The following SUPT6H variants were observed in gnomAD, a reference collection of about 807,000 sequenced individuals.
SUPT6H encodes SPT6 homolog, histone chaperone and transcription elongation factor.
SUPT6H carries 11 observed loss-of-function variants against 222.3 expected under a neutral mutation model. That is an observed-to-expected ratio of 0.05 (90% CI 0.03 to 0.08). The LOEUF (loss-of-function observed/expected upper bound fraction) is 0.08. Among genes scored for constraint, SUPT6H ranks in the 10% least tolerant of loss-of-function variants. SUPT6H has a pLI of 1.00. For missense variants in SUPT6H, 1,422 were observed against 2,216.0 expected, an observed-to-expected ratio of 0.64 and a Z score of 7.19; for synonymous variants, 762 against 801.2, an observed-to-expected ratio of 0.95 and a Z score of 0.83.
intron 1 of SUPT6H, among the ~76,000 whole-genome samples, chr17:28,667,403 GTGTATATATATATATATATATATATA>G (rs1171437643): frequency 2.4e-5 from 1 of 42,352 alleles, no homozygotes; most frequent in African/African-American, 6.7e-5. Context: ...AAGTGTGTGT[GTGTATATATATATATATATATATATA>G]TATATATGTA....
At chr17:28,681,745 C>T (rs1164127037) in intron 12 of SUPT6H, 137 bp from the exon 13 acceptor site, 13 of 728,840 alleles carry the variant, frequency 1.8e-5, no homozygotes, top group South Asian at 6.4e-5. Flanking sequence ...GAAAGAAAAC[C>T]CAGGAGACTT....
At chr17:28,665,673 G>T (rs1331475420) in intron 1 of SUPT6H, among the ~76,000 whole-genome samples, 1 of 152,182 alleles carries the variant, frequency 6.6e-6, no homozygotes, top group African/African-American at 2.4e-5. Context: ...TGAGGCAGGA[G>T]AATTGCTTGA....
At position 28,681,390 on chromosome 17, in the gene SUPT6H, A is replaced by C; in HGVS notation, c.1484A>C (p.Glu495Ala). 1 of 1,603,060 alleles carries C rather than the reference A, an allele frequency of 6.2e-7. No homozygotes were observed. Among genetic ancestry groups the C allele is most frequent in the Non-Finnish European group, 8.5e-7 (1 of 1,175,682 alleles). ...SRKKLKRVRE[E>A]GDEEGEGDEA... is the part of the protein sequence containing the mutation. ...AAGAAGCTGAAGCGTGTCAGGGAAG[A>C]GGGAGATGAAGAAGGTTAGTGCTGG... is the stretch of plus-strand genomic sequence containing the variant. The change falls in exon 12 of 37, where the codon GAG (glutamate) becomes GCG (alanine). Residue 495 changes from glutamate (E) to alanine (A), a missense_variant. Physicochemically the swap from Glu to Ala is moderately radical, Grantham distance 107. Coordinates refer to ENST00000314616, the MANE Select transcript of SUPT6H (RefSeq NM_003170.5).
At chr17:28,663,559 AAATG>A (rs2072105773) in intron 1 of SUPT6H, among the ~76,000 whole-genome samples, 1 of 152,104 alleles carries the variant, frequency 6.6e-6, no homozygotes. Context: ...TGACCTTAAT[AAATG>A]GCACTACCAT....
At chr17:28,669,682 C>G (rs1364299838) in intron 1 of SUPT6H, among the ~76,000 whole-genome samples, 1 of 152,184 alleles carries the variant, frequency 6.6e-6, no homozygotes, top group Non-Finnish European at 1.5e-5. Context: ...CGCCTGTAGT[C>G]CCAGCACTTT....
In SUPT6H at chr17:28,687,142, C is replaced by G; in HGVS notation, c.2755C>G (p.Arg919Gly). Residue 919 changes from arginine to glycine, a missense_variant, in exon 22 of 37, where the codon CGC becomes GGC. This residue lies in a region of SUPT6H where 294 missense variants were observed against 382.1 expected (regional missense o/e 0.77). Coordinates refer to ENST00000314616, the MANE Select transcript of SUPT6H (RefSeq NM_003170.5). Reference protein sequence around the residue: ...VLRQAVSLARRIQDPLIEFAQ... With the variant: ...VLRQAVSLARGIQDPLIEFAQ... ...GAGACAGGCCGTCTCCCTGGCCCGG[C>G]GCATCCAGGACCCTCTGATTGAATT... is the stretch of plus-strand genomic sequence containing the variant. The G allele has an allele frequency of 3.1e-6, 5 of 1,614,036 alleles. No homozygotes were observed. The highest frequency in any genetic ancestry group is 1.7e-5 in the Admixed American group (1 of 60,016).
In SUPT6H at chr17:28,693,759, G is replaced by A; in HGVS notation, c.3697G>A (p.Asp1233Asn). 1 of 1,614,220 alleles carries A rather than the reference G, an allele frequency of 6.2e-7. No homozygotes were observed. The highest frequency in any genetic ancestry group is 8.5e-7 in the Non-Finnish European group (1 of 1,180,034). ...GGCCATCGGTGTCAAAACACGGCTA[G>A]ACAATGGTGTCACCGGCTTCATCCC... ...GQAIGVKTRL[D>N]NGVTGFIPTK... The change falls in exon 28 of 37, where the codon GAC becomes AAC. Residue 1233 changes from aspartate (D) to asparagine (N), a missense_variant. Asp to Asn is a conservative substitution (Grantham distance 23). Coordinates refer to ENST00000314616, the MANE Select transcript of SUPT6H (RefSeq NM_003170.5).
intron 5 of SUPT6H, 70 bp from the exon 6 acceptor site, chr17:28,675,331 A>G: frequency 1.3e-6 from 2 of 1,573,676 alleles, no homozygotes; most frequent in Non-Finnish European, 1.7e-6. Flanking sequence ...CTCACATAGT[A>G]GGAACCAAAG....
At chr17:28,676,085 G>A (rs2030729838) in intron 6 of SUPT6H, 72 bp from the exon 7 acceptor site, 1 of 1,493,260 alleles carries the variant, frequency 6.7e-7, no homozygotes, top group Non-Finnish European at 9.0e-7. Context: ...ACAAGTAAAG[G>A]ATCTATGCAA....
rs1057064552 is a variant in SUPT6H, at chr17:28,675,086, A to G, written c.462A>G (p.Glu154=). 3.7e-6 allele frequency: 6 copies of G among 1,614,014 alleles called. No homozygotes were observed. Among genetic ancestry groups the G allele is most frequent in the Non-Finnish European group, 2.5e-6 (3 of 1,180,018 alleles). ...CGGAAGAAATCTTCCAGGATGGGGAAGGGGAAGAAGGGCAGGAGGCCATGG... is the reference window on the plus strand; with the variant it reads ...CGGAAGAAATCTTCCAGGATGGGGAGGGGGAAGAAGGGCAGGAGGCCATGG... ...AIAEEIFQDG[E]GEEGQEAMEA... The change falls in exon 5 of 37, where the codon GAA becomes GAG. Residue 154 remains glutamate, a synonymous_variant. Coordinates refer to ENST00000314616, the MANE Select transcript of SUPT6H (RefSeq NM_003170.5).
rs1343156519 is a variant in SUPT6H at position 28,696,880 on chromosome 17, A to G, written c.4007A>G (p.His1336Arg). ...AGAGTGATCGCACACCCATCCTTCC[A>G]TAATATCAATTTCAAGCAAGCAGAA... The part of the protein sequence containing the change: ...IKRVIAHPSF[H>R]NINFKQAEKM... Residue 1336 changes from histidine (H) to arginine (R), a missense_variant, in exon 30 of 37, where the codon CAT (histidine) becomes CGT (arginine). His to Arg is a conservative substitution (Grantham distance 29). Coordinates refer to ENST00000314616, the MANE Select transcript of SUPT6H (RefSeq NM_003170.5). The G allele has an allele frequency of 2.5e-6, 4 of 1,613,978 alleles. No homozygotes were observed. Among genetic ancestry groups the G allele is most frequent in the Non-Finnish European group, 2.5e-6 (3 of 1,180,012 alleles).
intron 32 of SUPT6H, among the ~76,000 whole-genome samples, chr17:28,698,786 G>A (rs2032025646): frequency 6.6e-6 from 1 of 152,264 alleles, no homozygotes; most frequent in South Asian, 2.1e-4. Context: ...ATGACAGGAA[G>A]CCCTAGACTC....
chr17:28,693,773 C>G lies in SUPT6H; in HGVS notation c.3711C>G (p.Thr1237=), dbSNP rs111748312. The G allele has an allele frequency of 3.7e-6, 6 of 1,614,198 alleles. No homozygotes were observed. The African/African-American group carries it at 4.0e-5, about 11-fold the overall frequency. Residue 1237 remains threonine (T), a synonymous_variant, in exon 28 of 37, where the codon ACC becomes ACG. Coordinates refer to ENST00000314616, the MANE Select transcript of SUPT6H (RefSeq NM_003170.5). ...AAACACGGCTAGACAATGGTGTCAC[C>G]GGCTTCATCCCCACCAAATTCCTCA... ...GVKTRLDNGV[T]GFIPTKFLSD...
At chr17:28,690,008 C>G in intron 25 of SUPT6H, 74 bp from the exon 26 acceptor site, 1 of 1,537,202 alleles carries the variant, frequency 6.5e-7, no homozygotes, top group Non-Finnish European at 8.8e-7. Flanking sequence ...AGAGGCCCGC[C>G]CCTTCCACGG....
rs1260974169 is a variant in SUPT6H, at chr17:28,697,680, C to T, written c.4270C>T (p.Arg1424Trp). The change falls in exon 31 of 37, where the codon CGG (arginine) becomes TGG (tryptophan). Residue 1424 changes from arginine (R) to tryptophan (W), a missense_variant. Physicochemically the swap from Arg to Trp is moderately radical, Grantham distance 101. Around this residue, in one of 13 missense-constraint regions of SUPT6H, gnomAD observed 395 missense variants for 580.6 expected, o/e 0.68. Coordinates refer to ENST00000314616, the MANE Select transcript of SUPT6H (RefSeq NM_003170.5). ...TGTCCAGCCCATGGCATCCTTTGCC[C>T]GGGACCTTCTGAATCACAAGTATTA... ...RYVQPMASFA[R>W]DLLNHKYYQD... 4.3e-6 allele frequency: 7 copies of T among 1,614,212 alleles called. No homozygotes were observed. The highest frequency in any genetic ancestry group is 1.1e-5 in the South Asian group (1 of 91,084).
chr17:28,678,218 A>G, intron 9 of SUPT6H, 26 bp downstream of exon 9: 2 of 1,589,682 alleles, frequency 1.3e-6, no homozygotes, highest in Non-Finnish European at 1.7e-6. Context: ...CTGGTGGCCC[A>G]TTGGTGAGAA....
At chr17:28,693,334 G>A (rs570593351) in intron 27 of SUPT6H, among the ~76,000 whole-genome samples, 3 of 152,130 alleles carry the variant, frequency 2.0e-5, no homozygotes, top group East Asian at 3.9e-4. Context: ...GGTGATGCAC[G>A]CCTGTAATCC....
intron 7 of SUPT6H, 65 bp from the exon 8 acceptor site, chr17:28,677,650 G>T (rs897672173): frequency 6.0e-6 from 7 of 1,162,500 alleles, no homozygotes; most frequent in Non-Finnish European, 7.7e-6. Flanking sequence ...GTCCAAAAAG[G>T]TATGTTTTTC....
At position 28,688,363 on chromosome 17, in the gene SUPT6H, A is replaced by G. The variant is rs919254743; in HGVS notation, c.3134+145A>G. On this transcript the variant is annotated intron_variant, in intron 24 of 36. Transcript: ENST00000314616. The surrounding 1 kb of genome is among the most constrained non-coding windows in gnomAD (Gnocchi z 4.3). The stretch of plus-strand genomic sequence containing the variant: ...AAAAGGTAAGGAACTTTATTCAGTC[A>G]AGAGCCCCTGACCTATGGAAAAGAT... 30 of 1,044,988 alleles carry G rather than the reference A, an allele frequency of 2.9e-5. No individual in the cohort carries two copies. Among genetic ancestry groups the G allele is most frequent in the Non-Finnish European group, 7.9e-6 (6 of 757,494 alleles). The allele number at this position is 1,044,988 out of a possible 1,614,324, so 64.7% of individuals were successfully genotyped here.
Sources: gnomAD v4.1 joint callset for allele counts (sites outside exome capture counted in the v4.1 genomes callset) on GRCh38, gnomAD v4.1.1 for gene constraint, gnomAD v4.1.1 regional missense constraint, Gnocchi (gnomAD v3.1) non-coding constraint, MANE v1.5 for transcripts, NCBI Gene and HGNC (gene_info 2026-07-23, HGNC 2026-07-21) for gene names.